LMBR1: variants seen among roughly 807,000 people sequenced by gnomAD.
LMBR1 encodes the protein limb region 1 protein homolog.
In LMBR1, 52 loss-of-function variants were observed where a neutral mutation model predicts 73.9. The observed-to-expected ratio is 0.70, with a 90% CI of 0.56 to 0.89. LMBR1 has a LOEUF of 0.89. LMBR1 is among the 40% of genes least tolerant of loss of function. The pLI is 0.00. For missense variants in LMBR1, 539 were observed against 579.8 expected (o/e 0.93, Z 0.72); for synonymous variants, 215 against 209.4 (o/e 1.03, Z -0.23).
At chr7:156,771,557 G>C (rs1255467724) in intron 5 of LMBR1, among the ~76,000 whole-genome samples, 1 of 152,188 alleles carries the variant, frequency 6.6e-6, no homozygotes, top group Non-Finnish European at 1.5e-5. Context: ...ACCCTGAACA[G>C]ATGAATAATG....
chr7:156,783,442 G>A (rs1402502169), intron 5 of LMBR1, among the ~76,000 whole-genome samples: 1 of 152,050 alleles, frequency 6.6e-6, no homozygotes, highest in Admixed American at 6.5e-5. Context: ...GCCTCCCAAA[G>A]TGCTGGGATT....
chr7:156,859,437 T>C (rs746731163), intron 1 of LMBR1, among the ~76,000 whole-genome samples: 22 of 152,204 alleles, frequency 1.4e-4, no homozygotes, highest in Non-Finnish European at 1.5e-4. Flanking sequence ...GATGACATGA[T>C]TGTTTATGTA....
intron 5 of LMBR1, among the ~76,000 whole-genome samples, chr7:156,773,036 C>G (rs1040218934): frequency 1.3e-5 from 2 of 151,868 alleles, no homozygotes; most frequent in Non-Finnish European, 2.9e-5. Context: ...AATCCATGTA[C>G]AAAAATCAGT....
At chr7:156,756,787 G>A (rs1444690220) in intron 8 of LMBR1, among the ~76,000 whole-genome samples, 1 of 152,038 alleles carries the variant, frequency 6.6e-6, no homozygotes, top group Non-Finnish European at 1.5e-5. Flanking sequence ...ATTCTGAGAT[G>A]TGGGCTACAT....
At chr7:156,774,762 G>C (rs954733103) in intron 5 of LMBR1, among the ~76,000 whole-genome samples, 1 of 152,144 alleles carries the variant, frequency 6.6e-6, no homozygotes, top group African/African-American at 2.4e-5. Context: ...AACCTGGGAG[G>C]TGAAGGTTGC....
intron 15 of LMBR1, among the ~76,000 whole-genome samples, chr7:156,695,385 A>G (rs1808069651): frequency 6.6e-6 from 1 of 152,210 alleles, no homozygotes; most frequent in East Asian, 1.9e-4. Flanking sequence ...TTATAAAGAA[A>G]AGAGGTTTAA....
chr7:156,876,079 C>A (rs528039866), intron 1 of LMBR1, among the ~76,000 whole-genome samples: 1 of 152,182 alleles, frequency 6.6e-6, no homozygotes, highest in African/African-American at 2.4e-5. Flanking sequence ...AAGAGACTCA[C>A]CTAACACATA....
chr7:156,854,826 T>C (rs887039119), intron 1 of LMBR1, among the ~76,000 whole-genome samples: 2 of 152,210 alleles, frequency 1.3e-5, no homozygotes, highest in African/African-American at 4.8e-5. Context: ...AAGGCTCAAA[T>C]TCTATTTAAG....
At chr7:156,758,923 C>A (rs575737235) in intron 8 of LMBR1, among the ~76,000 whole-genome samples, 1 of 152,330 alleles carries the variant, frequency 6.6e-6, no homozygotes, top group South Asian at 2.1e-4. Context: ...AGACTGTTCT[C>A]ATCTCCATTT....
intron 15 of LMBR1, among the ~76,000 whole-genome samples, chr7:156,710,554 T>C (rs1457498557): frequency 6.6e-6 from 1 of 152,190 alleles, no homozygotes; most frequent in Non-Finnish European, 1.5e-5. Flanking sequence ...CTAAGAATAA[T>C]TAGTGTTCCT....
At chr7:156,695,201 T>C (rs146834612) in intron 15 of LMBR1, among the ~76,000 whole-genome samples, 4 of 152,234 alleles carry the variant, frequency 2.6e-5, no homozygotes, top group African/African-American at 9.6e-5. Flanking sequence ...CCTAACTTCT[T>C]AGGAGGCTTA....
At chr7:156,715,193 C>T (rs1812954357) in intron 15 of LMBR1, among the ~76,000 whole-genome samples, 1 of 152,096 alleles carries the variant, frequency 6.6e-6, no homozygotes. Flanking sequence ...ATCAAGTGAC[C>T]TGCCCGCTTC....
chr7:156,684,736 C>CT (rs1462214694), intron 16 of LMBR1, among the ~76,000 whole-genome samples: 1 of 152,172 alleles, frequency 6.6e-6, no homozygotes, highest in Non-Finnish European at 1.5e-5. Context: ...GTGGAAGGAT[C>CT]GTTTGAGCTG....
intron 5 of LMBR1, among the ~76,000 whole-genome samples, chr7:156,788,893 C>T (rs960938869): frequency 4.0e-4 from 61 of 151,984 alleles, no homozygotes; most frequent in Admixed American, 3.3e-3. Flanking sequence ...ATTAAAAATA[C>T]AAAAATTAGC....
At chr7:156,783,698 G>A (rs1384579244) in intron 5 of LMBR1, among the ~76,000 whole-genome samples, 1 of 151,986 alleles carries the variant, frequency 6.6e-6, no homozygotes, top group East Asian at 1.9e-4. Flanking sequence ...AAATTCAGCT[G>A]AGCTTGACTT....
intron 8 of LMBR1, 136 bp from the exon 9 acceptor site, chr7:156,756,601 C>CT (rs1821925756): frequency 1.7e-6 from 1 of 575,764 alleles, no homozygotes; most frequent in Admixed American, 3.4e-5. Context: ...CAAAAAAACT[C>CT]CAACTATGTT....
intron 8 of LMBR1, 84 bp downstream of exon 8, chr7:156,762,050 T>C (rs1170215343): frequency 1.3e-6 from 1 of 773,384 alleles, no homozygotes; most frequent in East Asian, 2.7e-5. Context: ...CTTCTATTTC[T>C]AAATGCTAGC....
At chr7:156,864,678 A>G (rs1798200299) in intron 1 of LMBR1, among the ~76,000 whole-genome samples, 1 of 152,220 alleles carries the variant, frequency 6.6e-6, no homozygotes, top group Admixed American at 6.5e-5. Context: ...ACCTAGCAAT[A>G]AGCAATCTGA....
intron 1 of LMBR1, among the ~76,000 whole-genome samples, chr7:156,859,030 G>A (rs1302082720): frequency 6.6e-6 from 1 of 152,160 alleles, no homozygotes; most frequent in Non-Finnish European, 1.5e-5. Flanking sequence ...GAGGCAGGCA[G>A]ATCACCTGAG....
Sources: allele counts gnomAD v4.1 joint callset (sites outside exome capture counted in the v4.1 genomes callset), GRCh38; gene constraint gnomAD v4.1.1; transcripts MANE v1.5; gene names NCBI Gene and HGNC (gene_info 2026-07-23, HGNC 2026-07-21).